The following TTC39C variants were observed in gnomAD, a reference collection of about 807,000 sequenced individuals.
The protein encoded by TTC39C is tetratricopeptide repeat domain 39C, also known as tetratricopeptide repeat protein 39C.
A neutral mutation model predicts 76.3 loss-of-function variants in TTC39C; 33 were observed. That is an observed-to-expected ratio of 0.43 (90% CI 0.33 to 0.58). TTC39C has a LOEUF of 0.58. Ranked by LOEUF, TTC39C falls within the 20% of genes least tolerant of loss-of-function variation. The pLI is 0.04. For missense variants in TTC39C, 595 were observed against 701.4 expected, an observed-to-expected ratio of 0.85 and a Z score of 1.71; for synonymous variants, 254 against 260.6, an observed-to-expected ratio of 0.97 and a Z score of 0.24.
chr18:24,027,285 AAAGT>A (rs1366618299), intron 1 of TTC39C, among the ~76,000 whole-genome samples: 10 of 152,240 alleles, frequency 6.6e-5, no homozygotes, highest in Non-Finnish European at 1.5e-5. Context: ...AGAAAAAAAA[AAAGT>A]AATCGGATTA....
At chr18:24,001,832 T>TTTTTGGG (rs199756222) in intron 1 of TTC39C, among the ~76,000 whole-genome samples, 2 of 134,356 alleles carry the variant, frequency 1.5e-5, no homozygotes, top group African/African-American at 2.9e-5. Flanking sequence ...TGTTTTTTTT[T>TTTTTGGG]TTTTTTTTTT....
intron 1 of TTC39C, chr18:23,994,071 GAT>G: frequency 6.6e-6 from 1 of 152,240 alleles, no homozygotes; most frequent in South Asian, 2.1e-4. Context: ...TCTCTGAAAA[GAT>G]ATGAAGCTCT....
At chr18:24,017,118 A>C (rs767626798) in intron 1 of TTC39C, among the ~76,000 whole-genome samples, 4 of 152,134 alleles carry the variant, frequency 2.6e-5, no homozygotes, top group Non-Finnish European at 5.9e-5. Flanking sequence ...CCTTTTTTAG[A>C]GATGGTGGGA....
In TTC39C at chr18:24,093,961, G is replaced by A. The variant is rs78786900; in HGVS notation, c.984+10880G>A. Reference sequence around the variant, plus strand: ...GTAAGGCAACAGTGAAGTTTACCCCGCCGATTGACTCTTCCTTTCACGAAT... The same window carrying A: ...GTAAGGCAACAGTGAAGTTTACCCCACCGATTGACTCTTCCTTTCACGAAT... On this transcript the variant is annotated intron_variant, in intron 6 of 13. Coordinates refer to ENST00000317571, the MANE Select transcript of TTC39C (RefSeq NM_001135993.2). 5.9e-3 allele frequency among the ~76,000 whole-genome samples: 898 copies of A among 152,216 alleles called. 11 individuals are homozygous for A. The highest frequency in any genetic ancestry group is 0.018 in the South Asian group (86 of 4,812).
chr18:24,021,269 C>T (rs71360538), intron 1 of TTC39C, among the ~76,000 whole-genome samples: 32,435 of 152,038 alleles, frequency 0.21, 4,176 homozygotes, highest in East Asian at 0.57. Context: ...TGGTCCCTGT[C>T]CTACACAGCA....
Position 24,064,150 on chromosome 18 carries a change from C to G in TTC39C, c.178C>G (p.Pro60Ala). 6.2e-7 allele frequency: 1 copy of G among 1,612,758 alleles called. No homozygotes were observed. The highest frequency in any genetic ancestry group is 8.5e-7 in the Non-Finnish European group (1 of 1,179,630). ...GTGTTTTTTTAACAGAAATCATAGC[C>G]CACTAATGAGTTTTGGAGCCAGCTT... ...QLFKQYRNHSPLMSFGASFVS... is the reference protein window; with the variant it reads ...QLFKQYRNHSALMSFGASFVS... The change falls in exon 2 of 14, where the codon CCA becomes GCA. Residue 60 changes from proline (P) to alanine (A), a missense_variant. Transcript: ENST00000317571.
At position 24,091,629 on chromosome 18, in the gene TTC39C, C is replaced by T. The variant is rs142624599; in HGVS notation, c.984+8548C>T. ...ACAAAAGAATAAATAAATTGAACTACATCAAAATGAAACATTTGCGCTATA... is the reference window on the plus strand; with the variant it reads ...ACAAAAGAATAAATAAATTGAACTATATCAAAATGAAACATTTGCGCTATA... On this transcript the variant is annotated intron_variant, in intron 6 of 13. Coordinates refer to ENST00000317571, the MANE Select transcript of TTC39C (RefSeq NM_001135993.2). Among the ~76,000 whole-genome samples, 182 of 152,208 alleles carry T rather than the reference C, an allele frequency of 1.2e-3. 1 individual carries two copies. The highest frequency in any genetic ancestry group is 2.1e-3 in the Non-Finnish European group (143 of 68,002).
intron 1 of TTC39C, among the ~76,000 whole-genome samples, chr18:24,056,498 C>T (rs2145719721): frequency 6.6e-6 from 1 of 152,228 alleles, no homozygotes; most frequent in African/African-American, 2.4e-5. Flanking sequence ...GACTGTTTTA[C>T]AGTAGTGATG....
chr18:24,103,332 CTAAA>C (rs1321758653), intron 6 of TTC39C, among the ~76,000 whole-genome samples: 1 of 152,190 alleles, frequency 6.6e-6, no homozygotes, highest in African/African-American at 2.4e-5. Flanking sequence ...TCTGTGTCTT[CTAAA>C]TAGTCATTCA....
At chr18:24,021,988 C>T (rs890128219) in intron 1 of TTC39C, among the ~76,000 whole-genome samples, 2 of 152,210 alleles carry the variant, frequency 1.3e-5, no homozygotes, top group Non-Finnish European at 2.9e-5. Context: ...AACAGAGTCA[C>T]TTTAACACTT....
chr18:24,082,789 C>T, intron 5 of TTC39C, 124 bp from the exon 6 acceptor site: 1 of 990,328 alleles, frequency 1.0e-6, no homozygotes, highest in East Asian at 2.6e-5. Flanking sequence ...TTTACTTCTT[C>T]AGAGACTGCA....
chr18:24,081,357 T>C (rs528669720), intron 5 of TTC39C, among the ~76,000 whole-genome samples: 14 of 152,306 alleles, frequency 9.2e-5, no homozygotes, highest in Middle Eastern at 3.4e-3. Flanking sequence ...TCAAGGTGGT[T>C]TCCTATATGT....
chr18:24,105,741 C>T (rs2084738316), intron 6 of TTC39C, among the ~76,000 whole-genome samples: 1 of 152,238 alleles, frequency 6.6e-6, no homozygotes, highest in Non-Finnish European at 1.5e-5. Context: ...AAGGGACACC[C>T]CTGACCGTTG....
intron 6 of TTC39C, among the ~76,000 whole-genome samples, chr18:24,091,729 G>A (rs1299085965): frequency 2.6e-5 from 4 of 152,174 alleles, no homozygotes; most frequent in East Asian, 1.9e-4. Flanking sequence ...TATCTGATAC[G>A]GGACTTGTAT....
At chr18:24,125,623 G>A in intron 10 of TTC39C, 73 bp downstream of exon 10, 1 of 1,572,022 alleles carries the variant, frequency 6.4e-7, no homozygotes, top group Non-Finnish European at 8.7e-7. Flanking sequence ...GCATTCTTCA[G>A]TTTCCCGTTT....
chr18:24,090,534 C>T (rs1191549398), intron 6 of TTC39C, among the ~76,000 whole-genome samples: 1 of 151,952 alleles, frequency 6.6e-6, no homozygotes, highest in African/African-American at 2.4e-5. Flanking sequence ...AATTGAGCTA[C>T]AGATTGAATG....
chr18:24,106,562 T>A (rs1010191837), intron 6 of TTC39C, among the ~76,000 whole-genome samples: 1 of 152,072 alleles, frequency 6.6e-6, no homozygotes, highest in African/African-American at 2.4e-5. Flanking sequence ...TGGCGTTGTG[T>A]TGGAGAGAGG....
chr18:24,131,330 G>T (rs765029409), intron 12 of TTC39C, among the ~76,000 whole-genome samples: 7 of 151,954 alleles, frequency 4.6e-5, no homozygotes, highest in Non-Finnish European at 7.4e-5. Context: ...TATCTTAGAG[G>T]TTGCCTTTTA....
intron 1 of TTC39C, among the ~76,000 whole-genome samples, chr18:24,034,309 C>T (rs992093338): frequency 4.6e-5 from 7 of 152,188 alleles, no homozygotes; most frequent in Non-Finnish European, 7.3e-5. Context: ...GAAGAGGGCA[C>T]GCCCTGCTCA....
Sources: allele counts gnomAD v4.1 joint callset (sites outside exome capture counted in the v4.1 genomes callset), GRCh38; gene constraint gnomAD v4.1.1; transcripts MANE v1.5; gene names NCBI Gene and HGNC (gene_info 2026-07-23, HGNC 2026-07-21).